Variants in CNTNAP2 observed in about 807,000 individuals in gnomAD.
CNTNAP2 encodes the protein contactin-associated protein-like 2.
In CNTNAP2, 98 loss-of-function variants were observed where a neutral mutation model predicts 155.2. That is an observed-to-expected ratio of 0.63 (90% CI 0.54 to 0.75). The LOEUF is 0.75. Ranked by LOEUF, CNTNAP2 falls within the 30% of genes least tolerant of loss-of-function variation. The pLI, the probability that CNTNAP2 is intolerant of heterozygous loss-of-function variation, is 0.00. For missense variants in CNTNAP2, 1,727 were observed against 1,688.1 expected, an observed-to-expected ratio of 1.02 and a Z score of -0.40; for synonymous variants, 651 against 631.2, an observed-to-expected ratio of 1.03 and a Z score of -0.47.
intron 1 of CNTNAP2, among the ~76,000 whole-genome samples, chr7:146,728,315 T>C (rs1218855286): frequency 1.3e-5 from 2 of 151,558 alleles, no homozygotes; most frequent in Admixed American, 6.6e-5. Flanking sequence ...AATGAGGGAG[T>C]GGGGAGGTCA....
chr7:146,572,547 T>C (rs1798458550), intron 1 of CNTNAP2, among the ~76,000 whole-genome samples: 1 of 152,178 alleles, frequency 6.6e-6, no homozygotes, highest in Non-Finnish European at 1.5e-5. Flanking sequence ...GTGCGCATAT[T>C]TGCCCATACT....
chr7:146,173,827 T>C (rs1798429638), intron 1 of CNTNAP2, among the ~76,000 whole-genome samples: 1 of 152,174 alleles, frequency 6.6e-6, no homozygotes, highest in African/African-American at 2.4e-5. Context: ...TGTAGTAGCA[T>C]GTAATCTATA....
At chr7:147,906,512 A>G (rs1351686829) in intron 14 of CNTNAP2, among the ~76,000 whole-genome samples, 1 of 149,854 alleles carries the variant, frequency 6.7e-6, no homozygotes, top group Non-Finnish European at 1.5e-5. Flanking sequence ...TTTTTTTGAG[A>G]CAAGGTCTTG....
At chr7:146,626,410 TA>T (rs1799420014) in intron 1 of CNTNAP2, among the ~76,000 whole-genome samples, 1 of 152,094 alleles carries the variant, frequency 6.6e-6, no homozygotes. Flanking sequence ...AACAGAAATC[TA>T]AAAAATTTAG....
intron 20 of CNTNAP2, among the ~76,000 whole-genome samples, chr7:148,250,364 T>C (rs1225411121): frequency 6.6e-6 from 1 of 152,210 alleles, no homozygotes; most frequent in East Asian, 1.9e-4. Context: ...TGTCTCTCTA[T>C]ACTAGGAAGG....
At chr7:147,096,995 ATTT>A (rs1489060710) in intron 4 of CNTNAP2, among the ~76,000 whole-genome samples, 5 of 152,194 alleles carry the variant, frequency 3.3e-5, no homozygotes, top group Non-Finnish European at 5.9e-5. Context: ...TTGAGGTAAA[ATTT>A]TCACCCAAAG....
chr7:146,930,967 A>G (rs1170613474), intron 3 of CNTNAP2, among the ~76,000 whole-genome samples: 2 of 152,118 alleles, frequency 1.3e-5, no homozygotes, highest in Non-Finnish European at 2.9e-5. Flanking sequence ...AGAGACATAG[A>G]CTCCCACACA....
chr7:147,340,948 G>A (rs1795750788), intron 9 of CNTNAP2, among the ~76,000 whole-genome samples: 1 of 151,932 alleles, frequency 6.6e-6, no homozygotes, highest in Non-Finnish European at 1.5e-5. Context: ...CTCATCAGCT[G>A]CCACCGCTAG....
chr7:146,631,134 G>C (rs558410555), intron 1 of CNTNAP2, among the ~76,000 whole-genome samples: 46 of 152,062 alleles, frequency 3.0e-4, no homozygotes, highest in Non-Finnish European at 5.9e-4. Flanking sequence ...AAAGCTGGAG[G>C]CATCATGCTA....
At chr7:148,125,307 T>A (rs1368246732) in intron 16 of CNTNAP2, among the ~76,000 whole-genome samples, 1 of 152,104 alleles carries the variant, frequency 6.6e-6, no homozygotes, top group African/African-American at 2.4e-5. Context: ...AGGTTTGTTA[T>A]ATTGGTAAAT....
At chr7:147,679,707 G>C (rs554002234) in intron 13 of CNTNAP2, among the ~76,000 whole-genome samples, 1 of 151,910 alleles carries the variant, frequency 6.6e-6, no homozygotes, top group African/African-American at 2.4e-5. Context: ...AGAATCTCAT[G>C]GCTTCAACAA....
intron 13 of CNTNAP2, among the ~76,000 whole-genome samples, chr7:147,742,490 G>C (rs1796971280): frequency 6.6e-6 from 1 of 152,200 alleles, no homozygotes; most frequent in Non-Finnish European, 1.5e-5. Context: ...ATGTGCACAA[G>C]TGTCAGAGCA....
At chr7:146,970,519 C>T (rs900459676) in intron 3 of CNTNAP2, among the ~76,000 whole-genome samples, 2 of 152,116 alleles carry the variant, frequency 1.3e-5, no homozygotes, top group Admixed American at 6.6e-5. Context: ...AGATACCATC[C>T]CACACCAGTT....
chr7:147,771,542 G>T (rs1797469432), intron 13 of CNTNAP2, among the ~76,000 whole-genome samples: 1 of 152,182 alleles, frequency 6.6e-6, no homozygotes, highest in South Asian at 2.1e-4. Context: ...TAGGCCAGTG[G>T]ATTTGCTTTG....
chr7:146,667,646 T>A lies in CNTNAP2; in HGVS notation c.98-106625T>A, dbSNP rs570051329. On this transcript the variant is annotated intron_variant, in intron 1 of 23. Transcript: ENST00000361727. ...GTTCATTTGTATCCTCTTCAGTTTT[T>A]TCATCAGTGTTTTGCAGTTTTCCTT... is the stretch of plus-strand genomic sequence containing the variant. Among the ~76,000 whole-genome samples the A allele has an allele frequency of 1.4e-4, 22 of 152,190 alleles. No homozygotes were observed. In the South Asian group the frequency reaches 3.5e-3, roughly 24 times the overall value.
intron 5 of CNTNAP2, among the ~76,000 whole-genome samples, chr7:147,113,716 A>G (rs1452630226): frequency 6.6e-6 from 1 of 152,134 alleles, no homozygotes; most frequent in Non-Finnish European, 1.5e-5. Flanking sequence ...AATTCAAGAT[A>G]CGATTTGGGT....
chr7:146,605,992 T>C (rs886598965), intron 1 of CNTNAP2, among the ~76,000 whole-genome samples: 1 of 152,212 alleles, frequency 6.6e-6, no homozygotes, highest in Admixed American at 6.5e-5. Flanking sequence ...ATATCAGCTG[T>C]TGTTATTCCC....
intron 3 of CNTNAP2, among the ~76,000 whole-genome samples, chr7:146,968,822 C>G (rs1313886138): frequency 2.8e-4 from 41 of 147,974 alleles, no homozygotes; most frequent in Admixed American, 2.3e-3. Context: ...CAGTTCTGCT[C>G]TGATTTTAGT....
intron 21 of CNTNAP2, among the ~76,000 whole-genome samples, chr7:148,293,972 CT>C (rs200203906): frequency 0.011 from 1,579 of 138,404 alleles, 31 homozygotes; most frequent in African/African-American, 0.039. Context: ...GAGGCAGAGG[CT>C]GCAATAAGCC....
Sources: gnomAD v4.1 joint callset for allele counts (sites outside exome capture counted in the v4.1 genomes callset) on GRCh38, gnomAD v4.1.1 for gene constraint, MANE v1.5 for transcripts, NCBI Gene and HGNC (gene_info 2026-07-23, HGNC 2026-07-21) for gene names.